Variants in ZNF536 observed in about 807,000 individuals in gnomAD.
The protein encoded by ZNF536 is zinc finger protein 536.
ZNF536 carries 13 observed loss-of-function variants against 84.5 expected under a neutral mutation model. That is an observed-to-expected ratio of 0.15 (90% CI 0.10 to 0.24). The LOEUF is 0.24. Among genes scored for constraint, ZNF536 ranks in the 10% least tolerant of loss-of-function variants. The pLI, the probability that ZNF536 is intolerant of heterozygous loss-of-function variation, is 1.00. For missense variants in ZNF536, 1,536 were observed against 1,747.5 expected, an observed-to-expected ratio of 0.88 and a Z score of 2.16; for synonymous variants, 811 against 742.5, an observed-to-expected ratio of 1.09 and a Z score of -1.50.
chr19:30,551,527 T>C (rs2045782945), intron 4 of ZNF536, among the ~76,000 whole-genome samples: 1 of 152,156 alleles, frequency 6.6e-6, no homozygotes, highest in Non-Finnish European at 1.5e-5. Flanking sequence ...AGTCCACCCT[T>C]CAGCCTTTGG....
At chr19:30,305,379 G>T (rs2145993262) in intron 2 of ZNF536, among the ~76,000 whole-genome samples, 1 of 152,300 alleles carries the variant, frequency 6.6e-6, no homozygotes, top group South Asian at 2.1e-4. Flanking sequence ...GAAGGAAAAT[G>T]CACACTTCAC....
At chr19:30,421,212 T>C (rs1189768976) in intron 1 of ZNF536, among the ~76,000 whole-genome samples, 2 of 152,132 alleles carry the variant, frequency 1.3e-5, no homozygotes, top group Non-Finnish European at 2.9e-5. Flanking sequence ...AAATTACTTT[T>C]TTTTCTTTAA....
chr19:30,693,573 C>T (rs1188588311), intron 1 of ZNF536, among the ~76,000 whole-genome samples: 5 of 145,082 alleles, frequency 3.4e-5, no homozygotes, highest in Non-Finnish European at 7.7e-5. Flanking sequence ...GGCTCATTTC[C>T]TTTGTGACTT....
chr19:30,404,503 G>A (rs1355865819), intron 1 of ZNF536, among the ~76,000 whole-genome samples: 1 of 152,156 alleles, frequency 6.6e-6, no homozygotes, highest in African/African-American at 2.4e-5. Flanking sequence ...ACCTCTCTGT[G>A]CCTCAGTTTC....
chr19:30,279,828 C>G (rs2045372772), intron 1 of ZNF536, among the ~76,000 whole-genome samples: 1 of 152,184 alleles, frequency 6.6e-6, no homozygotes, highest in African/African-American at 2.4e-5. Flanking sequence ...CATGTCCTTC[C>G]CCGGGCAGAG....
intron 1 of ZNF536, among the ~76,000 whole-genome samples, chr19:30,691,144 T>C (rs2147906253): frequency 6.6e-6 from 1 of 152,262 alleles, no homozygotes; most frequent in East Asian, 1.9e-4. Flanking sequence ...CTCCAAGATC[T>C]TTCAAAAGCA....
At chr19:30,325,203 TG>T (rs1310558266) in intron 2 of ZNF536, among the ~76,000 whole-genome samples, 1 of 152,176 alleles carries the variant, frequency 6.6e-6, no homozygotes, top group Non-Finnish European at 1.5e-5. Flanking sequence ...CTTTGCCTTC[TG>T]GGGGCTCCAG....
chr19:30,334,380 A>C (rs1201736673), intron 2 of ZNF536, among the ~76,000 whole-genome samples: 1 of 152,186 alleles, frequency 6.6e-6, no homozygotes, highest in Non-Finnish European at 1.5e-5. Context: ...TCTCCTTTAG[A>C]ATTCTAATCG....
At chr19:30,577,047 A>G (rs1391502666) in intron 1 of ZNF536, among the ~76,000 whole-genome samples, 1 of 152,250 alleles carries the variant, frequency 6.6e-6, no homozygotes, top group Non-Finnish European at 1.5e-5. Flanking sequence ...TGCAAACAGC[A>G]TCTTGAAAAG....
intron 2 of ZNF536, among the ~76,000 whole-genome samples, chr19:30,482,648 A>C (rs2054136103): frequency 2.0e-5 from 3 of 152,208 alleles, no homozygotes; most frequent in Admixed American, 2.0e-4. Context: ...TGGAAAATGA[A>C]GTTATCATCA....
intron 1 of ZNF536, among the ~76,000 whole-genome samples, chr19:30,270,183 C>T (rs548737642): frequency 2.6e-5 from 4 of 152,196 alleles, no homozygotes; most frequent in South Asian, 4.2e-4. Flanking sequence ...ACCCACCAGC[C>T]GACAATTCTT....
chr19:30,341,874 T>C (rs527699229), intron 2 of ZNF536, among the ~76,000 whole-genome samples: 5 of 152,326 alleles, frequency 3.3e-5, no homozygotes, highest in Admixed American at 1.3e-4. Context: ...CCTGGCAAGA[T>C]AGTCTGAAAG....
At chr19:30,661,059 C>T (rs1032611264) in intron 1 of ZNF536, among the ~76,000 whole-genome samples, 3 of 152,110 alleles carry the variant, frequency 2.0e-5, no homozygotes, top group South Asian at 2.1e-4. Flanking sequence ...ATTCCGTGAT[C>T]GGAATTTTGG....
chr19:30,447,546 G>A (rs868373117), intron 2 of ZNF536, among the ~76,000 whole-genome samples: 2 of 152,176 alleles, frequency 1.3e-5, no homozygotes, highest in African/African-American at 2.4e-5. Context: ...TGTCTAACCA[G>A]CAGCATGAGT....
chr19:30,688,377 T>C (rs2051280801), intron 1 of ZNF536, among the ~76,000 whole-genome samples: 1 of 152,178 alleles, frequency 6.6e-6, no homozygotes, highest in Non-Finnish European at 1.5e-5. Flanking sequence ...CTTTTGTAAA[T>C]GTCAGCTGAG....
chr19:30,373,708 C>A (rs1181824030), intron 1 of ZNF536, among the ~76,000 whole-genome samples: 2 of 152,210 alleles, frequency 1.3e-5, no homozygotes. Flanking sequence ...GCTATCACAA[C>A]GCAGAGAAAG....
chr19:30,310,002 G>C (rs2046450177), intron 2 of ZNF536, among the ~76,000 whole-genome samples: 1 of 152,140 alleles, frequency 6.6e-6, no homozygotes, highest in Admixed American at 6.5e-5. Context: ...AATGAATGCA[G>C]AGGCTGCCCC....
In ZNF536 at chr19:30,310,863, C is replaced by A. The variant is rs917249764; in HGVS notation, c.-120+26722C>A. On this transcript the variant is annotated intron_variant, in intron 2 of 5. Coordinates refer to the ZNF536 transcript ENST00000585628. ...AGGGTTCAAGTGCTCGGATAATGGG[C>A]CACAGGGACCATGGGCTGTGGCGGA... Among the ~76,000 whole-genome samples, 2 of 152,184 alleles carry A rather than the reference C, an allele frequency of 1.3e-5. 1 individual carries two copies. The highest frequency in any genetic ancestry group is 1.3e-4 in the Admixed American group (2 of 15,282).
intron 1 of ZNF536, among the ~76,000 whole-genome samples, chr19:30,604,177 G>C (rs1048262520): frequency 1.3e-5 from 2 of 152,196 alleles, no homozygotes; most frequent in African/African-American, 4.8e-5. Flanking sequence ...AAACAGCCTG[G>C]ACAGGGATAG....
Sources: allele counts gnomAD v4.1 joint callset (sites outside exome capture counted in the v4.1 genomes callset), GRCh38; gene constraint gnomAD v4.1.1; transcripts MANE v1.5; gene names NCBI Gene and HGNC (gene_info 2026-07-23, HGNC 2026-07-21).